CACNA1C: variants seen among roughly 807,000 people sequenced by gnomAD.
The protein encoded by CACNA1C is calcium voltage-gated channel subunit alpha1 C.
CACNA1C carries 30 observed loss-of-function variants against 229.0 expected under a neutral mutation model. The observed-to-expected ratio is 0.13, with a 90% CI of 0.10 to 0.18. The LOEUF (loss-of-function observed/expected upper bound fraction) is 0.18, where lower values mean the gene tolerates loss of function less well. Among genes scored for constraint, CACNA1C ranks in the 10% least tolerant of loss-of-function variants. The pLI, the probability that CACNA1C is intolerant of heterozygous loss-of-function variation, is 1.00. For synonymous variants in CACNA1C, 1,114 were observed against 1,132.5 expected (o/e 0.98, Z 0.33); for missense variants, 1,658 against 2,845.0 (o/e 0.58, Z 9.49).
Position 2,610,527 on chromosome 12 carries a change from C to T in CACNA1C, c.3559-14C>T, listed in dbSNP as rs2077197944. 4 of 1,608,004 alleles carry T rather than the reference C, an allele frequency of 2.5e-6. No individual in the cohort carries two copies. Among genetic ancestry groups the T allele is most frequent in the Non-Finnish European group, 2.6e-6 (3 of 1,175,896 alleles). ...AACTAACCCCACTCTCCCCATCCTC[C>T]ACCACCCTCCCAGCGACAGTGCGTG... On this transcript the variant is annotated splice_polypyrimidine_tract_variant and intron_variant, in intron 27 of 46. Coordinates refer to ENST00000399655, the MANE Select transcript of CACNA1C (RefSeq NM_000719.7).
chr12:2,507,622 T>A (rs1193025091), intron 8 of CACNA1C, among the ~76,000 whole-genome samples: 1 of 152,216 alleles, frequency 6.6e-6, no homozygotes, highest in African/African-American at 2.4e-5. Context: ...ACATTAACAG[T>A]CACTAGCATT....
intron 3 of CACNA1C, among the ~76,000 whole-genome samples, chr12:2,265,343 G>A (rs1009420015): frequency 6.6e-6 from 1 of 152,212 alleles, no homozygotes; most frequent in Non-Finnish European, 1.5e-5. Flanking sequence ...CCTGTTTCAG[G>A]GACAAAACTT....
chr12:2,194,221 C>T (rs1160045268), intron 3 of CACNA1C, among the ~76,000 whole-genome samples: 1 of 145,758 alleles, frequency 6.9e-6, no homozygotes, highest in Non-Finnish European at 1.5e-5. Flanking sequence ...TCCTCCTCCT[C>T]CTTCTACTCC....
At position 2,679,908 on chromosome 12, in the gene CACNA1C, C is replaced by G; in HGVS notation, c.5444+112C>G. On this transcript the variant is annotated intron_variant, in intron 42 of 46. Transcript: ENST00000399655. This position sits in a 1 kb window ranked among gnomAD's most constrained non-coding sequence, Gnocchi z 5.5. ...GCCAGCCACTTGTCCCTCAAGCTTCCAGGAGGTTGCTGCCCCAGACTCCAG... is the reference window on the plus strand; with the variant it reads ...GCCAGCCACTTGTCCCTCAAGCTTCGAGGAGGTTGCTGCCCCAGACTCCAG... The G allele has an allele frequency of 1.3e-6, 1 of 771,578 alleles. No homozygotes were observed. The highest frequency in any genetic ancestry group is 1.9e-5 in the South Asian group (1 of 53,380). 47.8% of individuals were successfully genotyped at this position (771,578 alleles called of 1,614,324 possible). A position where few individuals can be genotyped will look rare whatever the true frequency, so the allele number is the denominator to read the frequency against.
chr12:2,125,264 A>G (rs1270783963), intron 3 of CACNA1C, among the ~76,000 whole-genome samples: 1 of 92,026 alleles, frequency 1.1e-5, no homozygotes, highest in African/African-American at 5.4e-5. Context: ...GCCAATGACA[A>G]GAGGATTGGC....
intron 34 of CACNA1C, among the ~76,000 whole-genome samples, chr12:2,658,729 A>G (rs1452037573): frequency 6.6e-6 from 1 of 152,154 alleles, no homozygotes; most frequent in Non-Finnish European, 1.5e-5. Flanking sequence ...CATGCATGTT[A>G]GTGCCCCTGA....
chr12:2,565,988 T>C (rs2050683621), intron 11 of CACNA1C, among the ~76,000 whole-genome samples: 2 of 152,204 alleles, frequency 1.3e-5, no homozygotes, highest in African/African-American at 4.8e-5. Context: ...ACTGAAAGAA[T>C]TGGAGAGAAG....
chr12:2,055,423 A>G (rs2054303351), intron 1 of CACNA1C, among the ~76,000 whole-genome samples: 1 of 152,182 alleles, frequency 6.6e-6, no homozygotes, highest in African/African-American at 2.4e-5. Context: ...AATAATAGTG[A>G]TTATTCACCT....
Position 2,341,512 on chromosome 12 carries a change from G to A in CACNA1C, c.478-107464G>A, listed in dbSNP as rs141227583. Among the ~76,000 whole-genome samples the A allele has an allele frequency of 5.1e-3, 783 of 152,258 alleles. 7 individuals carry two copies. The highest frequency in any genetic ancestry group is 0.018 in the African/African-American group (741 of 41,540). ...GGAGGCAGTGCTGTGCGGGCCCTGC[G>A]TTTCACACAGGTAGCCACAGGCCCC... On this transcript the variant is annotated intron_variant, in intron 3 of 46. Coordinates refer to ENST00000399655, the MANE Select transcript of CACNA1C (RefSeq NM_000719.7).
At chr12:2,146,936 G>T (rs959906045) in intron 3 of CACNA1C, among the ~76,000 whole-genome samples, 1 of 151,092 alleles carries the variant, frequency 6.6e-6, no homozygotes, top group African/African-American at 2.4e-5. Context: ...AAGCAGGGAA[G>T]AGAGGGGAAG....
intron 3 of CACNA1C, among the ~76,000 whole-genome samples, chr12:2,125,933 A>G (rs2089835144): frequency 6.6e-6 from 1 of 152,254 alleles, no homozygotes; most frequent in South Asian, 2.1e-4. Context: ...CTGTCACAGA[A>G]TTAGAAAAGA....
At chr12:2,004,429 C>T in intron 1 of CACNA1C, 1 of 1,608,414 alleles carries the variant, frequency 6.2e-7, no homozygotes, top group South Asian at 1.1e-5. Context: ...CCACGGCTGC[C>T]ATCTTCCCTC....
At chr12:2,506,003 C>T (rs184829370) in intron 8 of CACNA1C, among the ~76,000 whole-genome samples, 11 of 152,284 alleles carry the variant, frequency 7.2e-5, no homozygotes, top group Admixed American at 2.0e-4. Flanking sequence ...AACTGGGAAT[C>T]GCTACTCCCA....
At chr12:2,131,664 A>G (rs1291854041) in intron 3 of CACNA1C, among the ~76,000 whole-genome samples, 1 of 144,484 alleles carries the variant, frequency 6.9e-6, no homozygotes, top group Non-Finnish European at 1.5e-5. Context: ...ATTGATCTAT[A>G]TCTCTGTTTT....
chr12:2,622,137 G>T (rs887909523), intron 29 of CACNA1C, among the ~76,000 whole-genome samples: 2 of 152,208 alleles, frequency 1.3e-5, no homozygotes, highest in Non-Finnish European at 2.9e-5. Context: ...GATAAGAGTA[G>T]GGATGAGTTA....
At chr12:1,980,548 A>G (rs1156821235) in intron 1 of CACNA1C, among the ~76,000 whole-genome samples, 1 of 151,832 alleles carries the variant, frequency 6.6e-6, no homozygotes, top group Admixed American at 6.6e-5. Flanking sequence ...ATTATCCCAA[A>G]GGTATCTTAA....
chr12:2,469,176 A>C (rs1014411315), intron 5 of CACNA1C, among the ~76,000 whole-genome samples: 4 of 152,198 alleles, frequency 2.6e-5, no homozygotes, highest in African/African-American at 9.7e-5. Flanking sequence ...ACATATATAC[A>C]AACATTAGCC....
At position 2,634,283 on chromosome 12, in the gene CACNA1C, T is replaced by C; in HGVS notation, c.3829-14T>C. ...TCTTCTTCTCTCTCTCCCCGGCTGC[T>C]CTGCCCCATGCAGCACTATTTCTGT... is the stretch of plus-strand genomic sequence containing the variant. On this transcript the variant is annotated splice_polypyrimidine_tract_variant and intron_variant, in intron 29 of 46. Coordinates refer to ENST00000399655, the MANE Select transcript of CACNA1C (RefSeq NM_000719.7). 1.4e-6 allele frequency: 2 copies of C among 1,481,364 alleles called. No individual in the cohort carries two copies. The highest frequency in any genetic ancestry group is 1.8e-6 in the Non-Finnish European group (2 of 1,089,502). The allele number at this position is 1,481,364 out of a possible 1,614,324, so 91.8% of individuals were successfully genotyped here.
chr12:2,448,401 G>T, intron 3 of CACNA1C, among the ~76,000 whole-genome samples: 1 of 152,172 alleles, frequency 6.6e-6, no homozygotes, highest in East Asian at 1.9e-4. Context: ...TTCTGGATCG[G>T]TGTATGTGAG....
Sources: allele counts gnomAD v4.1 joint callset (sites outside exome capture counted in the v4.1 genomes callset), GRCh38; gene constraint gnomAD v4.1.1; non-coding constraint Gnocchi (gnomAD v3.1); transcripts MANE v1.5; gene names NCBI Gene and HGNC (gene_info 2026-07-23, HGNC 2026-07-21).